ACP3: variants seen among roughly 807,000 people sequenced by gnomAD.
The protein encoded by ACP3 is acid phosphatase 3.
Under a neutral mutation model 45.6 loss-of-function variants are expected in ACP3, and 38 were observed. The ratio of observed to expected loss-of-function variants is 0.83; its 90% CI spans 0.64 to 1.09. The LOEUF (loss-of-function observed/expected upper bound fraction) is 1.09. ACP3 is among the 50% of genes least tolerant of loss of function. The probability of loss-of-function intolerance (pLI) is 0.00; values close to 1 mark genes in which losing one functional copy is unlikely to be tolerated. For synonymous variants in ACP3, 162 were observed against 164.7 expected (o/e 0.98, Z 0.13); for missense variants, 466 against 463.2 (o/e 1.01, Z -0.05).
intron 1 of ACP3, among the ~76,000 whole-genome samples, chr3:132,321,133 C>T (rs1937200168): frequency 6.6e-6 from 1 of 152,010 alleles, no homozygotes; most frequent in Admixed American, 6.6e-5. Context: ...CCATTGCACT[C>T]CAGCCTGGAC....
chr3:132,344,227 G>T (rs1937582375), intron 6 of ACP3, among the ~76,000 whole-genome samples: 1 of 145,116 alleles, frequency 6.9e-6, no homozygotes, highest in African/African-American at 2.5e-5. Context: ...GCAGTGAGCT[G>T]AAATCGTGCC....
intron 9 of ACP3, 40 bp from the exon 10 acceptor site, chr3:132,356,646 C>T: frequency 6.2e-7 from 1 of 1,611,072 alleles, no homozygotes; most frequent in Non-Finnish European, 8.5e-7. Flanking sequence ...TTCAACAACA[C>T]AGAACTAACA....
At chr3:132,363,437 C>G (rs1384410784), downstream of ACP3, among the ~76,000 whole-genome samples, 1 of 152,156 alleles carries the variant, frequency 6.6e-6, no homozygotes, top group East Asian at 1.9e-4. Flanking sequence ...TTGCCTTGAC[C>G]ACAGCTCCTC....
At chr3:132,323,338 G>A (rs1399956106) in intron 1 of ACP3, among the ~76,000 whole-genome samples, 1 of 152,122 alleles carries the variant, frequency 6.6e-6, no homozygotes, top group Non-Finnish European at 1.5e-5. Context: ...ATATTACTAT[G>A]TTCCAGGCAC....
intron 2 of ACP3, among the ~76,000 whole-genome samples, chr3:132,328,896 A>G (rs1252861613): frequency 6.6e-6 from 1 of 152,216 alleles, no homozygotes; most frequent in African/African-American, 2.4e-5. Flanking sequence ...AAAGTGAAAA[A>G]TAGTCTTGTA....
downstream of ACP3, among the ~76,000 whole-genome samples, chr3:132,361,131 G>A (rs527894459): frequency 2.6e-4 from 40 of 152,286 alleles, no homozygotes; most frequent in Middle Eastern, 0.01. Flanking sequence ...CAGCATAGTT[G>A]TTTTGGCATT....
Position 132,331,724 on chromosome 3 carries a change from A to G in ACP3, c.294A>G (p.Lys98=). ...RYRKFLNESY[K]HEQVYIRSTD... is the part of the protein sequence containing the mutation. ...GAAAATTCTTGAATGAGTCCTATAAACATGAACAGGCAAGTTGGGGAGCCA... is the reference window on the plus strand; with the variant it reads ...GAAAATTCTTGAATGAGTCCTATAAGCATGAACAGGCAAGTTGGGGAGCCA... Residue 98 remains lysine, a synonymous_variant, in exon 3 of 10, where the codon AAA becomes AAG. Coordinates refer to ENST00000336375, the MANE Select transcript of ACP3 (RefSeq NM_001099.5). 1 of 1,604,836 alleles carries G rather than the reference A, an allele frequency of 6.2e-7. No individual in the cohort carries two copies. The highest frequency in any genetic ancestry group is 8.5e-7 in the Non-Finnish European group (1 of 1,177,252).
At chr3:132,337,010 A>G (rs1236251093) in intron 4 of ACP3, among the ~76,000 whole-genome samples, 2 of 151,848 alleles carry the variant, frequency 1.3e-5, no homozygotes, top group Non-Finnish European at 2.9e-5. Flanking sequence ...TGGTTAATTG[A>G]CTTAAGATTT....
At chr3:132,353,449 C>A (rs1420557349) in intron 9 of ACP3, among the ~76,000 whole-genome samples, 1 of 152,192 alleles carries the variant, frequency 6.6e-6, no homozygotes, top group Admixed American at 6.5e-5. Context: ...AATTGATTAT[C>A]ACACCAAGGT....
In ACP3 at chr3:132,337,232, GAA is replaced by G. The variant is rs3833591; in HGVS notation, c.457-217_457-216del. 1.5e-5 allele frequency: 6 copies of G among 388,082 alleles called. No homozygotes were observed. The South Asian group carries it at 1.6e-4, about 10-fold the overall frequency. 24.0% of individuals were successfully genotyped at this position (388,082 alleles called of 1,614,324 possible). Reference sequence around the variant, plus strand: ...GTTATATTATGGCAAGTTTATGAATGAAAAAAAAGGATTTTCAATTCTGAATA... The same window carrying G: ...GTTATATTATGGCAAGTTTATGAATGAAAAAAGGATTTTCAATTCTGAATA... On this transcript the variant is annotated intron_variant, in intron 4 of 9. Coordinates refer to ENST00000336375, the MANE Select transcript of ACP3 (RefSeq NM_001099.5).
chr3:132,337,578 G>C, intron 5 of ACP3, 24 bp downstream of exon 5: 1 of 1,492,506 alleles, frequency 6.7e-7, no homozygotes, highest in Non-Finnish European at 9.3e-7. Flanking sequence ...TTTGTTTAGT[G>C]GTACTTGTTA....
rs1937940092 is a variant in ACP3, at chr3:132,357,697, G to A, written c.*819G>A. On this transcript the variant is annotated 3_prime_UTR_variant, in exon 10 of 10. Transcript: ENST00000336375. ...ATCAGGAAAGAGAGCACCACGTGAT[G>A]GAGTTTCTCTAGAAGCTCCAGTGAT... The A allele has an allele frequency of 2.0e-6, 2 of 985,208 alleles. No individual in the cohort carries two copies. Among genetic ancestry groups the A allele is most frequent in the Admixed American group, 6.2e-5 (1 of 16,246 alleles). 61.0% of individuals were successfully genotyped at this position (985,208 alleles called of 1,614,324 possible). A position where few individuals can be genotyped will look rare whatever the true frequency, so the allele number is the denominator to read the frequency against.
intron 2 of ACP3, among the ~76,000 whole-genome samples, chr3:132,329,662 A>G (rs1278747758): frequency 6.6e-6 from 1 of 152,188 alleles, no homozygotes; most frequent in Non-Finnish European, 1.5e-5. Flanking sequence ...AGGCTGCAGG[A>G]TCTGAGTTCT....
At chr3:132,330,578 A>G (rs890003887) in intron 2 of ACP3, among the ~76,000 whole-genome samples, 8 of 152,050 alleles carry the variant, frequency 5.3e-5, no homozygotes, top group African/African-American at 1.9e-4. Context: ...ACACAATTAG[A>G]CCTAAAGTAC....
chr3:132,368,064 G>T (rs943502606), exon 11 of ACP3: 12 of 421,154 alleles, frequency 2.8e-5, no homozygotes, highest in Non-Finnish European at 4.8e-5. Flanking sequence ...CTAGAAAGAG[G>T]CTGTTATGCA....
rs376653790 is a variant in ACP3 at position 132,317,595 on chromosome 3, T to C, written c.120+19T>C. ...GACTTTGGTAAGTAGACTTTTCTCA[T>C]TGCTTTTTCCTTAAAACTGTGTTCC... On this transcript the variant is annotated intron_variant, in intron 1 of 9. Transcript: ENST00000336375. The C allele has an allele frequency of 5.0e-6, 8 of 1,606,580 alleles. No individual in the cohort carries two copies. Among genetic ancestry groups the C allele is most frequent in the Non-Finnish European group, 6.8e-6 (8 of 1,176,498 alleles).
At chr3:132,336,306 G>A (rs1937489846) in intron 4 of ACP3, among the ~76,000 whole-genome samples, 1 of 152,126 alleles carries the variant, frequency 6.6e-6, no homozygotes, top group South Asian at 2.1e-4. Flanking sequence ...CTGCTGTGTG[G>A]AGAATGAATT....
At position 132,356,699 on chromosome 3, in the gene ACP3, G is replaced by GA; in HGVS notation, c.983dup (p.Met329AspfsTer6). 1.2e-6 allele frequency: 2 copies of GA among 1,614,026 alleles called. No individual in the cohort carries two copies. Among genetic ancestry groups the GA allele is most frequent in the Non-Finnish European group, 1.7e-6 (2 of 1,180,034 alleles). ...TTTGTCTGCCAGGGAGTACTTTGTGGAGATGTACTATCGGAATGAGACGCA... is the reference window on the plus strand; with the variant it reads ...TTTGTCTGCCAGGGAGTACTTTGTGGAAGATGTACTATCGGAATGAGACGCA... On this transcript the variant is annotated frameshift_variant, in exon 10 of 10. Coordinates refer to ENST00000336375, the MANE Select transcript of ACP3 (RefSeq NM_001099.5). LOFTEE classifies it high-confidence loss of function.
chr3:132,337,632 A>G (rs923910302), intron 5 of ACP3, 78 bp downstream of exon 5: 9 of 888,954 alleles, frequency 1.0e-5, no homozygotes, highest in Admixed American at 4.6e-5. Flanking sequence ...ACACAAGATG[A>G]AGCTTTGGCT....
Sources: allele counts gnomAD v4.1 joint callset (sites outside exome capture counted in the v4.1 genomes callset), GRCh38; gene constraint gnomAD v4.1.1; transcripts MANE v1.5; gene names NCBI Gene and HGNC (gene_info 2026-07-23, HGNC 2026-07-21).